Variants in BDP1 observed in about 807,000 individuals in gnomAD.
BDP1 encodes the protein transcription factor TFIIIB component B'' homolog.
In BDP1, 169 loss-of-function variants were observed where a neutral mutation model predicts 266.6. The ratio of observed to expected loss-of-function variants is 0.63; its 90% CI spans 0.56 to 0.72. BDP1 has a LOEUF of 0.72. Ranked by LOEUF, BDP1 falls within the 30% of genes least tolerant of loss-of-function variation. The pLI is 0.00. For missense variants in BDP1, 3,015 were observed against 3,053.8 expected, an observed-to-expected ratio of 0.99 and a Z score of 0.30; for synonymous variants, 1,090 against 1,022.4, an observed-to-expected ratio of 1.07 and a Z score of -1.26.
chr5:71,512,847 G>A (rs1198296535), intron 18 of BDP1, among the ~76,000 whole-genome samples: 2 of 151,912 alleles, frequency 1.3e-5, no homozygotes, highest in East Asian at 3.9e-4. Context: ...TTGAGCCTAG[G>A]AGTTTGAGAC....
intron 2 of BDP1, among the ~76,000 whole-genome samples, chr5:71,460,827 TG>T: frequency 6.6e-6 from 1 of 152,092 alleles, no homozygotes. Flanking sequence ...ATTAAACATT[TG>T]CTTCAAGAAT....
At chr5:71,521,881 A>G (rs1008646530) in intron 22 of BDP1, among the ~76,000 whole-genome samples, 1 of 151,796 alleles carries the variant, frequency 6.6e-6, no homozygotes, top group Non-Finnish European at 1.5e-5. Context: ...TAACTGTCAT[A>G]TATTTGTTCA....
chr5:71,493,546 G>A (rs1350749062), intron 11 of BDP1, among the ~76,000 whole-genome samples: 1 of 152,092 alleles, frequency 6.6e-6, no homozygotes, highest in Non-Finnish European at 1.5e-5. Context: ...CTAATTTAGG[G>A]GAAAAACAAC....
In BDP1 at chr5:71,514,955, C is replaced by A. The variant is rs1265315794; in HGVS notation, c.4482C>A (p.Ser1494=). Residue 1494 remains serine (S), a synonymous_variant, in exon 20 of 39, where the codon TCC becomes TCA. Transcript: ENST00000358731. ...DTLPSQHDEA[S]LMISREKDTL... is the part of the protein sequence containing the mutation. ...TTTCTGTCTTCTAGGATGAAGCTTC[C>A]CTAATGATATCAAGAGAAAAAGACA... The A allele has an allele frequency of 6.2e-7, 1 of 1,602,746 alleles. No individual in the cohort carries two copies. Among genetic ancestry groups the A allele is most frequent in the Non-Finnish European group, 8.5e-7 (1 of 1,176,810 alleles).
intron 36 of BDP1, among the ~76,000 whole-genome samples, chr5:71,557,519 G>A (rs1019142497): frequency 1.8e-4 from 27 of 151,786 alleles, no homozygotes; most frequent in African/African-American, 6.0e-4. Flanking sequence ...CTAGTAGCTG[G>A]GACTACAGGC....
chr5:71,538,847 G>C (rs1766792069), intron 26 of BDP1, among the ~76,000 whole-genome samples, 195 bp from the exon 27 acceptor site: 1 of 152,154 alleles, frequency 6.6e-6, no homozygotes, highest in Non-Finnish European at 1.5e-5. Flanking sequence ...AGGAGCAAGA[G>C]ACACAAGAAT....
Position 71,509,655 on chromosome 5 carries a change from A to G in BDP1, c.2563A>G (p.Thr855Ala). The G allele has an allele frequency of 1.2e-6, 2 of 1,612,868 alleles. No homozygotes were observed. The highest frequency in any genetic ancestry group is 8.5e-7 in the Non-Finnish European group (1 of 1,179,758). The part of the protein sequence containing the change: ...AALRETVRLD[T>A]SPKEMVPAEI... ...ATTGAGAGAAACTGTAAGACTAGACACCTCACCAAAGGAGATGGTACCAGC... is the reference window on the plus strand; with the variant it reads ...ATTGAGAGAAACTGTAAGACTAGACGCCTCACCAAAGGAGATGGTACCAGC... Residue 855 changes from threonine (T) to alanine (A), a missense_variant, in exon 17 of 39, where the codon ACC becomes GCC. Coordinates refer to ENST00000358731, the MANE Select transcript of BDP1 (RefSeq NM_018429.3).
intron 25 of BDP1, among the ~76,000 whole-genome samples, chr5:71,528,249 C>G (rs553222307): frequency 6.6e-6 from 1 of 152,208 alleles, no homozygotes; most frequent in Admixed American, 6.5e-5. Context: ...CCTCACCAGT[C>G]GTAGCTATGT....
chr5:71,460,368 A>G (rs1170662582), intron 2 of BDP1, among the ~76,000 whole-genome samples: 2 of 152,238 alleles, frequency 1.3e-5, no homozygotes, highest in East Asian at 3.8e-4. Context: ...TGACAGAGCG[A>G]GACTCCGTCT....
intron 26 of BDP1, among the ~76,000 whole-genome samples, chr5:71,534,496 GT>G (rs35048742): frequency 1.9e-4 from 28 of 149,948 alleles, no homozygotes; most frequent in Admixed American, 8.6e-4. Context: ...TTTGTAGTAA[GT>G]TTTTTTTTTG....
At chr5:71,573,332 T>TA in the BDP1 span, among the ~76,000 whole-genome samples, 1 of 152,004 alleles carries the variant, frequency 6.6e-6, no homozygotes, top group African/African-American at 2.4e-5. Flanking sequence ...ACCACCTCCT[T>TA]AGGTAGCAGA....
chr5:71,524,175 A>G lies in BDP1; in HGVS notation c.5624A>G (p.Asp1875Gly), dbSNP rs759769175. Residue 1875 changes from aspartate to glycine, a missense_variant, in exon 25 of 39, where the codon GAT becomes GGT. Around this residue, in one of 3 missense-constraint regions of BDP1, gnomAD observed 2,383 missense variants for 2,404.9 expected, o/e 0.99. Transcript: ENST00000358731. Reference sequence around the variant, plus strand: ...ACTCTTCGGGCTTCCCAGGAAGAAGATGATGATGCTGACGATTTTGAGTCT... The same window carrying G: ...ACTCTTCGGGCTTCCCAGGAAGAAGGTGATGATGCTGACGATTTTGAGTCT... ...LVTLRASQEE[D>G]DDADDFESDY... The G allele has an allele frequency of 3.1e-6, 5 of 1,614,098 alleles. No individual in the cohort carries two copies. Among genetic ancestry groups the G allele is most frequent in the Non-Finnish European group, 4.2e-6 (5 of 1,180,036 alleles).
chr5:71,551,332 T>C (rs1361550930), intron 34 of BDP1, among the ~76,000 whole-genome samples: 2 of 152,124 alleles, frequency 1.3e-5, no homozygotes, highest in Non-Finnish European at 2.9e-5. Context: ...GCATACTGCG[T>C]TCAAGCATCT....
At chr5:71,560,550 C>G (rs994080154) in intron 37 of BDP1, among the ~76,000 whole-genome samples, 1 of 152,146 alleles carries the variant, frequency 6.6e-6, no homozygotes, top group Non-Finnish European at 1.5e-5. Flanking sequence ...TACTAATGCA[C>G]ATATGTATGG....
chr5:71,536,795 C>T (rs1013658075), intron 26 of BDP1, among the ~76,000 whole-genome samples: 14 of 152,038 alleles, frequency 9.2e-5, no homozygotes, highest in Admixed American at 5.2e-4. Context: ...GCCGTCACTG[C>T]ACCCCAGTCT....
chr5:71,532,427 T>G lies in BDP1; in HGVS notation c.5892T>G (p.Phe1964Leu). The part of the protein sequence containing the change: ...MKQEENLSVP[F>L]EMTTSEHIQD... ...AAGAAGAAAATTTGAGTGTACCGTT[T>G]GTAAGCATCCATTTTAATATGTTTT... Residue 1964 changes from phenylalanine (F) to leucine (L), a missense_variant and splice_region_variant, in exon 26 of 39, where the codon TTT (phenylalanine) becomes TTG (leucine). Coordinates refer to ENST00000358731, the MANE Select transcript of BDP1 (RefSeq NM_018429.3). The G allele has an allele frequency of 1.2e-6, 2 of 1,612,998 alleles. No homozygotes were observed. Among genetic ancestry groups the G allele is most frequent in the Non-Finnish European group, 1.7e-6 (2 of 1,179,526 alleles).
intron 32 of BDP1, among the ~76,000 whole-genome samples, chr5:71,547,137 G>A (rs1261998079): frequency 6.6e-6 from 1 of 151,726 alleles, no homozygotes; most frequent in Non-Finnish European, 1.5e-5. Context: ...ACAGGTGTGA[G>A]CCACCACGCC....
In BDP1 at chr5:71,510,025, A is replaced by T. The variant is rs1450644135; in HGVS notation, c.2933A>T (p.Glu978Val). Residue 978 changes from glutamate (E) to valine (V), a missense_variant, in exon 17 of 39, where the codon GAG (glutamate) becomes GTG (valine). Around this residue, in one of 3 missense-constraint regions of BDP1, gnomAD observed 2,383 missense variants for 2,404.9 expected, o/e 0.99. Transcript: ENST00000358731. ...ACACCAGAGGTGACTGATGCCACTG[A>T]GGAAATAGACAAAAATTTGGAAGAA... ...EKTPEVTDAT[E>V]EIDKNLEETG... is the part of the protein sequence containing the mutation. The T allele has an allele frequency of 1.2e-6, 2 of 1,614,024 alleles. No homozygotes were observed. The highest frequency in any genetic ancestry group is 1.7e-6 in the Non-Finnish European group (2 of 1,180,002).
intron 4 of BDP1, among the ~76,000 whole-genome samples, chr5:71,465,006 C>T (rs1761818465): frequency 6.6e-6 from 1 of 151,912 alleles, no homozygotes; most frequent in Admixed American, 6.6e-5. Context: ...TGTAAGCCAC[C>T]ATGCCCAGCC....
Sources: allele counts gnomAD v4.1 joint callset (sites outside exome capture counted in the v4.1 genomes callset), GRCh38; gene constraint gnomAD v4.1.1; regional missense constraint gnomAD v4.1.1; transcripts MANE v1.5; gene names NCBI Gene and HGNC (gene_info 2026-07-23, HGNC 2026-07-21).